AGO3: variants seen among roughly 807,000 people sequenced by gnomAD.
AGO3 encodes the protein argonaute RISC catalytic component 3.
A neutral mutation model predicts 105.5 loss-of-function variants in AGO3; 16 were observed. That is an observed-to-expected ratio of 0.15 (90% confidence interval 0.10 to 0.23). The LOEUF is 0.23. AGO3 is among the 10% of genes least tolerant of loss of function. The pLI, the probability that AGO3 is intolerant of heterozygous loss-of-function variation, is 1.00. For missense variants in AGO3, 534 were observed against 1,088.0 expected (o/e 0.49, Z 7.16); for synonymous variants, 340 against 367.3 (o/e 0.93, Z 0.85).
chr1:36,052,817 G>C (rs769260210), intron 17 of AGO3, among the ~76,000 whole-genome samples: 41 of 152,078 alleles, frequency 2.7e-4, no homozygotes, highest in Non-Finnish European at 4.6e-4. Context: ...TTGGAGACCA[G>C]TCTGGGCAAC....
intron 1 of AGO3, among the ~76,000 whole-genome samples, chr1:35,942,349 C>G (rs1465365724): frequency 2.0e-5 from 3 of 151,904 alleles, no homozygotes; most frequent in Non-Finnish European, 4.4e-5. Flanking sequence ...TATGATTTTC[C>G]TTTTTTATAG....
chr1:36,054,865 G>A (rs1642864044), intron 17 of AGO3, 81 bp from the exon 18 acceptor site: 2 of 1,375,566 alleles, frequency 1.5e-6, no homozygotes, highest in African/African-American at 1.4e-5. Flanking sequence ...CTGGGTGACA[G>A]AGCAAGACTT....
chr1:35,952,658 A>G (rs1389515184), intron 2 of AGO3, among the ~76,000 whole-genome samples: 1 of 152,186 alleles, frequency 6.6e-6, no homozygotes, highest in Non-Finnish European at 1.5e-5. Flanking sequence ...TAGATACACA[A>G]ATACCACTGT....
intron 1 of AGO3, among the ~76,000 whole-genome samples, chr1:35,943,630 G>A (rs550469577): frequency 6.4e-5 from 8 of 124,416 alleles, no homozygotes; most frequent in Admixed American, 4.4e-4. Context: ...AAGTAAAAGG[G>A]TCTCGCGCTA....
chr1:36,010,552 C>T (rs1314069508), intron 9 of AGO3, among the ~76,000 whole-genome samples: 4 of 150,310 alleles, frequency 2.7e-5, no homozygotes, highest in African/African-American at 4.9e-5. Context: ...TGCAGTGAGC[C>T]GATCACACCA....
intron 11 of AGO3, among the ~76,000 whole-genome samples, chr1:36,018,839 A>G (rs1241885012): frequency 6.6e-6 from 1 of 152,060 alleles, no homozygotes. Context: ...CTTGGAAAAA[A>G]TTGAGAGCCA....
At chr1:35,931,493 T>C in intron 1 of AGO3, 48 bp downstream of exon 1, 1 of 1,409,734 alleles carries the variant, frequency 7.1e-7, no homozygotes. Flanking sequence ...CCAGCTACTG[T>C]CCTCTGAGCA....
chr1:35,945,758 C>G lies in AGO3; in HGVS notation c.86C>G (p.Pro29Arg). 6.2e-7 allele frequency: 1 copy of G among 1,613,580 alleles called. No homozygotes were observed. Among genetic ancestry groups the G allele is most frequent in the Non-Finnish European group, 8.5e-7 (1 of 1,180,028 alleles). Residue 29 changes from proline (P) to arginine (R), a missense_variant, in exon 2 of 19, where the codon CCC becomes CGC. Physicochemically the swap from Pro to Arg is moderately radical, Grantham distance 103. This residue lies in a region of AGO3 where 161 missense variants were observed against 234.0 expected (regional missense o/e 0.69). Transcript: ENST00000373191. Reference sequence around the variant, plus strand: ...CCTGGCTATGGCACCATGGGCAAACCCATTAAACTGCTGGCTAACTGTTTT... The same window carrying G: ...CCTGGCTATGGCACCATGGGCAAACGCATTAAACTGCTGGCTAACTGTTTT... ...RRPGYGTMGK[P>R]IKLLANCFQV...
chr1:35,974,192 C>T (rs934654384), intron 5 of AGO3, among the ~76,000 whole-genome samples: 15 of 152,116 alleles, frequency 9.9e-5, no homozygotes, highest in African/African-American at 3.4e-4. Context: ...TATAAACAAG[C>T]ATTTATTTTT....
At chr1:36,043,158 T>TA (rs1553170950) in intron 16 of AGO3, 5 of 277,130 alleles carry the variant, frequency 1.8e-5, no homozygotes, top group East Asian at 1.4e-4. Flanking sequence ...TAAGTTAATT[T>TA]AAAAAAAATT....
rs767509702 is a variant in AGO3, at chr1:36,055,794, A to T, written c.*49A>T. 1 of 1,585,198 alleles carries T rather than the reference A, an allele frequency of 6.3e-7. No homozygotes were observed. Among genetic ancestry groups the T allele is most frequent in the East Asian group, 2.2e-5 (1 of 44,652 alleles). On this transcript the variant is annotated 3_prime_UTR_variant, in exon 19 of 19. Coordinates refer to ENST00000373191, the MANE Select transcript of AGO3 (RefSeq NM_024852.4). This position sits in a 1 kb window ranked among gnomAD's most constrained non-coding sequence, Gnocchi z 4.4. The stretch of plus-strand genomic sequence containing the variant: ...AGGAAGTACTGAAAGATGAATTGAC[A>T]TACAACGTATGTTTCCAGTGAAGTC...
chr1:35,993,738 CTTTTTTTTTTTTTT>C (rs141978570), intron 5 of AGO3, among the ~76,000 whole-genome samples: 1 of 90,780 alleles, frequency 1.1e-5, no homozygotes, highest in African/African-American at 5.0e-5. Context: ...CCACCCCCTG[CTTTTTTTTTTTTTT>C]TTTTTTTTTT....
chr1:36,044,399 T>G (rs1183174742), intron 17 of AGO3, among the ~76,000 whole-genome samples: 1 of 149,726 alleles, frequency 6.7e-6, no homozygotes, highest in Non-Finnish European at 1.5e-5. Flanking sequence ...TTTTTTTTTG[T>G]TGTTGTTGTT....
Position 36,056,585 on chromosome 1 carries a change from T to TACACAG in AGO3, c.*852_*857dup, listed in dbSNP as rs1262812053. 41 of 152,194 alleles carry TACACAG rather than the reference T, an allele frequency of 2.7e-4. 1 individual carries two copies. The highest frequency in any genetic ancestry group is 9.6e-4 in the African/African-American group (40 of 41,524). The allele number at this position is 152,194 out of a possible 1,614,324, so 9.4% of individuals were successfully genotyped here. ...TTTTATATATATATGTATACATACA[T>TACACAG]ACACAGACACAGACACACACATATA... is the stretch of plus-strand genomic sequence containing the variant. On this transcript the variant is annotated 3_prime_UTR_variant, in exon 19 of 19. Transcript: ENST00000373191.
intron 5 of AGO3, among the ~76,000 whole-genome samples, chr1:35,993,693 A>G (rs1291659678): frequency 3.3e-5 from 5 of 150,208 alleles, no homozygotes; most frequent in Admixed American, 2.7e-4. Context: ...TCTTTCACAA[A>G]TTCTTTCAGA....
At chr1:35,979,414 T>C (rs1327096259) in intron 5 of AGO3, among the ~76,000 whole-genome samples, 1 of 152,108 alleles carries the variant, frequency 6.6e-6, no homozygotes, top group African/African-American at 2.4e-5. Context: ...TCTAGAGGTA[T>C]TTTTTGTAGC....
chr1:35,935,489 G>C (rs935612680), intron 1 of AGO3, among the ~76,000 whole-genome samples: 23 of 152,172 alleles, frequency 1.5e-4, no homozygotes, highest in African/African-American at 5.3e-4. Context: ...ACTTCATTTT[G>C]CTTTTTTGGA....
At chr1:36,024,030 T>C (rs1201820221) in intron 11 of AGO3, among the ~76,000 whole-genome samples, 1 of 152,124 alleles carries the variant, frequency 6.6e-6, no homozygotes, top group African/African-American at 2.4e-5. Flanking sequence ...CTTGAAATCA[T>C]AGTGCTCTGC....
At chr1:36,019,437 G>C (rs1342625541) in intron 11 of AGO3, among the ~76,000 whole-genome samples, 1 of 152,132 alleles carries the variant, frequency 6.6e-6, no homozygotes, top group Non-Finnish European at 1.5e-5. Flanking sequence ...TTATTTAACT[G>C]TTTTACAGCC....
Sources: allele counts gnomAD v4.1 joint callset (sites outside exome capture counted in the v4.1 genomes callset), GRCh38; gene constraint gnomAD v4.1.1; regional missense constraint gnomAD v4.1.1; non-coding constraint Gnocchi (gnomAD v3.1); transcripts MANE v1.5; gene names NCBI Gene and HGNC (gene_info 2026-07-23, HGNC 2026-07-21).